Variants in TRAPPC8 observed in about 807,000 individuals in gnomAD.
The protein encoded by TRAPPC8 is trafficking protein particle complex subunit 8.
TRAPPC8 carries 54 observed loss-of-function variants against 174.3 expected under a neutral mutation model. The observed-to-expected ratio is 0.31, with a 90% CI of 0.25 to 0.39. The LOEUF is 0.39. Among genes scored for constraint, TRAPPC8 ranks in the 10% least tolerant of loss-of-function variants. The pLI, the probability that TRAPPC8 is intolerant of heterozygous loss-of-function variation, is 1.00. For missense variants in TRAPPC8, 1,531 were observed against 1,699.1 expected, an observed-to-expected ratio of 0.90 and a Z score of 1.74; for synonymous variants, 630 against 579.9, an observed-to-expected ratio of 1.09 and a Z score of -1.24.
In TRAPPC8 at chr18:31,907,527, C is replaced by T. The variant is rs761331973; in HGVS notation, c.1322G>A (p.Ser441Asn). 1.2e-5 allele frequency: 20 copies of T among 1,610,638 alleles called. 1 individual carries two copies. The Admixed American group carries it at 3.2e-4, about 26-fold the overall frequency. The part of the protein sequence containing the change: ...FLVQHYDLAY[S>N]CYHTAKKDFL... ...ATCTTTCTTTGCAGTATGATAGCAA[C>T]TGTAAGCCAAATCATAATGCTGCAC... Residue 441 changes from serine (S) to asparagine (N), a missense_variant, in exon 9 of 29, where the codon AGT becomes AAT. Ser to Asn is a conservative substitution (Grantham distance 46). Coordinates refer to ENST00000283351, the MANE Select transcript of TRAPPC8 (RefSeq NM_014939.5).
intron 12 of TRAPPC8, among the ~76,000 whole-genome samples, chr18:31,890,503 T>C (rs1055648118): frequency 1.8e-4 from 27 of 152,136 alleles, no homozygotes; most frequent in African/African-American, 6.5e-4. Flanking sequence ...AAATTACAAA[T>C]TTTATAAATA....
intron 18 of TRAPPC8, 123 bp downstream of exon 18, chr18:31,866,726 G>A (rs112450192): frequency 0.014 from 15,928 of 1,103,660 alleles, 139 homozygotes; most frequent in Non-Finnish European, 0.017. Context: ...CTTACATCTG[G>A]CTAAATGTCT....
At chr18:31,838,350 G>A (rs1470710861) in intron 27 of TRAPPC8, among the ~76,000 whole-genome samples, 2 of 152,110 alleles carry the variant, frequency 1.3e-5, no homozygotes, top group Non-Finnish European at 2.9e-5. Flanking sequence ...ACTACATAAC[G>A]TGTAAGAAGG....
intron 11 of TRAPPC8, among the ~76,000 whole-genome samples, chr18:31,892,360 C>T (rs1287930002): frequency 6.6e-6 from 1 of 152,150 alleles, no homozygotes; most frequent in African/African-American, 2.4e-5. Flanking sequence ...GAGTACCTTG[C>T]TTTTTTCACT....
At chr18:31,895,141 GA>G (rs568584220) in intron 11 of TRAPPC8, among the ~76,000 whole-genome samples, 231 of 152,306 alleles carry the variant, frequency 1.5e-3, no homozygotes, top group African/African-American at 5.4e-3. Flanking sequence ...CTTTTGCTAT[GA>G]CGGTATTAGC....
At chr18:31,888,469 T>A (rs1304560824) in intron 12 of TRAPPC8, among the ~76,000 whole-genome samples, 2 of 152,180 alleles carry the variant, frequency 1.3e-5, no homozygotes, top group Non-Finnish European at 2.9e-5. Context: ...CACACATATG[T>A]TCACTGCAGC....
At position 31,942,846 on chromosome 18, in the gene TRAPPC8, C is replaced by T. The variant is rs1268132238; in HGVS notation, c.-82G>A. On this transcript the variant is annotated 5_prime_UTR_variant, in exon 1 of 29. Transcript: ENST00000283351. ...CTGCGGCTGCAGCAGCTACCGCCGC[C>T]GCCCGCCGGCCTGGCCCGGCCGGGC... 2 of 1,261,154 alleles carry T rather than the reference C, an allele frequency of 1.6e-6. No homozygotes were observed. Among genetic ancestry groups the T allele is most frequent in the East Asian group, 6.3e-5 (2 of 31,756 alleles). 78.1% of individuals were successfully genotyped at this position (1,261,154 alleles called of 1,614,324 possible).
intron 4 of TRAPPC8, among the ~76,000 whole-genome samples, chr18:31,913,892 A>T (rs995118837): frequency 2.6e-5 from 4 of 152,100 alleles, no homozygotes; most frequent in African/African-American, 9.7e-5. Flanking sequence ...AAGTGTTTTG[A>T]CTCAGCGTGG....
At chr18:31,933,805 T>TA (rs11388008) in intron 1 of TRAPPC8, among the ~76,000 whole-genome samples, 37,849 of 150,644 alleles carry the variant, frequency 0.25, 5,252 homozygotes, top group South Asian at 0.52. Context: ...CATTTTTTAC[T>TA]AAAAAAAAAG....
intron 18 of TRAPPC8, among the ~76,000 whole-genome samples, chr18:31,865,455 A>T (rs1426241699): frequency 6.6e-6 from 1 of 152,028 alleles, no homozygotes; most frequent in East Asian, 1.9e-4. Flanking sequence ...CTCAAGCCAG[A>T]TATAAAATGT....
At chr18:31,916,496 A>C (rs376416116) in intron 3 of TRAPPC8, 50 bp from the exon 4 acceptor site, 12 of 1,508,900 alleles carry the variant, frequency 8.0e-6, no homozygotes, top group Middle Eastern at 3.5e-4. Flanking sequence ...TCAATGATAA[A>C]TATTGTCCTA....
At chr18:31,852,905 G>A (rs555562229) in intron 22 of TRAPPC8, 8 of 417,700 alleles carry the variant, frequency 1.9e-5, no homozygotes, top group East Asian at 9.1e-5. Context: ...TCATATATGC[G>A]ACATTTCAGA....
chr18:31,903,046 CAAAAA>C (rs56801475), intron 9 of TRAPPC8, among the ~76,000 whole-genome samples: 1 of 122,756 alleles, frequency 8.1e-6, no homozygotes, highest in African/African-American at 3.1e-5. Flanking sequence ...AGACTCATCT[CAAAAA>C]AAAAAAAAAA....
At position 31,857,659 on chromosome 18, in the gene TRAPPC8, A is replaced by G. The variant is rs1362923049; in HGVS notation, c.3069T>C (p.Val1023=). 1.2e-6 allele frequency: 2 copies of G among 1,614,194 alleles called. No homozygotes were observed. Among genetic ancestry groups the G allele is most frequent in the South Asian group, 1.1e-5 (1 of 91,082 alleles). Residue 1023 remains valine (V), a synonymous_variant, in exon 20 of 29, where the codon GTT becomes GTC. Coordinates refer to ENST00000283351, the MANE Select transcript of TRAPPC8 (RefSeq NM_014939.5). ...GCTGCACTGAGGCTCCGGGTAGAAG[A>G]ACAGTGTCAGGAAGGGGAACAGGAA... ...EVIPVPLPDT[V]LLPGASVQLP...
rs1288804539 is a variant in TRAPPC8, at chr18:31,914,085, C to T, written c.618-563G>A. On this transcript the variant is annotated intron_variant, in intron 4 of 28. Transcript: ENST00000283351. ...GGCTGAGGTGGGAAGACTGCTTGAG[C>T]CCAGGCACTGCACTCTAGCCTAGGC... 2.0e-5 allele frequency among the ~76,000 whole-genome samples: 3 copies of T among 149,488 alleles called. No individual in the cohort carries two copies. The East Asian group carries it at 5.8e-4, about 29-fold the overall frequency.
chr18:31,909,002 G>C lies in TRAPPC8; in HGVS notation c.874C>G (p.Pro292Ala). 1 of 1,603,332 alleles carries C rather than the reference G, an allele frequency of 6.2e-7. No homozygotes were observed. The highest frequency in any genetic ancestry group is 8.5e-7 in the Non-Finnish European group (1 of 1,173,974). The stretch of plus-strand genomic sequence containing the variant: ...AGTGGGTGAGCTCTAAAGTTATTTG[G>C]TAAGCCATCTACTGAAAAAGAGATT... ...GLDNEVKDGL[P>A]NNFRAHPLQL... Residue 292 changes from proline to alanine, a missense_variant, in exon 7 of 29, where the codon CCA becomes GCA. By Grantham distance (27) the Pro-to-Ala change is conservative. Transcript: ENST00000283351.
At chr18:31,887,460 C>T (rs1057174920) in intron 12 of TRAPPC8, among the ~76,000 whole-genome samples, 12 of 152,152 alleles carry the variant, frequency 7.9e-5, no homozygotes, top group Admixed American at 5.2e-4. Flanking sequence ...GCCTGGCCAA[C>T]GTGGTGAAAC....
chr18:31,899,627 C>G (rs532439411), intron 10 of TRAPPC8, among the ~76,000 whole-genome samples: 5 of 152,176 alleles, frequency 3.3e-5, no homozygotes, highest in African/African-American at 9.7e-5. Flanking sequence ...TTTACTACTA[C>G]GTAAGTCTTC....
chr18:31,862,848 G>T (rs2034399697), intron 19 of TRAPPC8, among the ~76,000 whole-genome samples: 1 of 152,104 alleles, frequency 6.6e-6, no homozygotes, highest in South Asian at 2.1e-4. Flanking sequence ...GAGGTCAGGA[G>T]ATTGAGACCA....
Sources: allele counts gnomAD v4.1 joint callset (sites outside exome capture counted in the v4.1 genomes callset), GRCh38; gene constraint gnomAD v4.1.1; transcripts MANE v1.5; gene names NCBI Gene and HGNC (gene_info 2026-07-23, HGNC 2026-07-21).